Variants in RANBP2 observed in about 807,000 individuals in gnomAD.
RANBP2 encodes the protein E3 SUMO-protein ligase RanBP2.
A neutral mutation model predicts 303.6 loss-of-function variants in RANBP2; 57 were observed. The ratio of observed to expected loss-of-function variants is 0.19; its 90% CI spans 0.15 to 0.23. The LOEUF is 0.23. Ranked by LOEUF, RANBP2 falls within the 10% of genes least tolerant of loss-of-function variation. RANBP2 has a pLI of 1.00. For missense variants in RANBP2, 3,138 were observed against 3,780.8 expected (o/e 0.83, Z 4.46); for synonymous variants, 1,167 against 1,301.5 (o/e 0.90, Z 2.23).
At chr2:109,675,167 C>G in the RANBP2 span, among the ~76,000 whole-genome samples, 1 of 152,122 alleles carries the variant, frequency 6.6e-6, no homozygotes, top group Non-Finnish European at 1.5e-5. Flanking sequence ...GAGACAGGAT[C>G]TCACTATGTT....
chr2:109,418,042 C>T, the RANBP2 span, among the ~76,000 whole-genome samples: 17 of 152,182 alleles, frequency 1.1e-4, no homozygotes, highest in East Asian at 7.7e-4. Flanking sequence ...TAGTGCCTTT[C>T]GCTCACCTGA....
the RANBP2 span, among the ~76,000 whole-genome samples, chr2:109,380,713 C>G: frequency 6.6e-6 from 1 of 152,180 alleles, no homozygotes; most frequent in Non-Finnish European, 1.5e-5. Flanking sequence ...GCACATGGAG[C>G]CTTGTGCCAT....
At chr2:108,907,788 A>T in the RANBP2 span, 18 of 1,576,678 alleles carry the variant, frequency 1.1e-5, no homozygotes, top group Middle Eastern at 5.0e-4. Context: ...TGATTCAATA[A>T]GAAAGTTTTA....
At chr2:109,221,389 C>A in the RANBP2 span, among the ~76,000 whole-genome samples, 4 of 152,144 alleles carry the variant, frequency 2.6e-5, no homozygotes, top group Admixed American at 2.6e-4. Flanking sequence ...TTGAGACCAG[C>A]CTGGCCAATA....
At chr2:109,202,917 G>A in the RANBP2 span, among the ~76,000 whole-genome samples, 1 of 152,264 alleles carries the variant, frequency 6.6e-6, no homozygotes, top group African/African-American at 2.4e-5. Context: ...ATGTTTTAGA[G>A]TGTAGGTGTC....
the RANBP2 span, among the ~76,000 whole-genome samples, chr2:109,029,092 T>TAA: frequency 0.021 from 3,227 of 152,182 alleles, 81 homozygotes; most frequent in East Asian, 0.077. Flanking sequence ...GCCTATGTGA[T>TAA]TGTTTATTTC....
the RANBP2 span, chr2:109,419,621 A>G: frequency 2.5e-6 from 4 of 1,586,254 alleles, no homozygotes; most frequent in African/African-American, 4.0e-5. Context: ...ACGCCTCCCA[A>G]GGTCCAGCTG....
the RANBP2 span, among the ~76,000 whole-genome samples, chr2:109,035,034 C>T: frequency 5.1e-4 from 77 of 152,308 alleles, no homozygotes; most frequent in East Asian, 0.014. Flanking sequence ...TGCTGGAGAG[C>T]TATCCCTGGT....
chr2:109,267,999 T>C, the RANBP2 span, among the ~76,000 whole-genome samples: 1 of 151,754 alleles, frequency 6.6e-6, no homozygotes, highest in Non-Finnish European at 1.5e-5. Flanking sequence ...GAAACGGACA[T>C]CCCCACTAAG....
chr2:109,221,710 A>T, the RANBP2 span, among the ~76,000 whole-genome samples: 1 of 151,968 alleles, frequency 6.6e-6, no homozygotes. Flanking sequence ...CCAATTTTTA[A>T]TGGGATTAAG....
chr2:109,631,789 C>G, the RANBP2 span, among the ~76,000 whole-genome samples: 1 of 151,944 alleles, frequency 6.6e-6, no homozygotes, highest in Admixed American at 6.6e-5. Context: ...ATCTCATTAT[C>G]TCTGTTGTAT....
chr2:109,298,929 G>A, the RANBP2 span, among the ~76,000 whole-genome samples: 1 of 152,188 alleles, frequency 6.6e-6, no homozygotes, highest in African/African-American at 2.4e-5. Context: ...ATTCCCCAGT[G>A]CCTCCCATCA....
the RANBP2 span, among the ~76,000 whole-genome samples, chr2:108,916,671 G>T: frequency 6.6e-6 from 1 of 152,312 alleles, no homozygotes; most frequent in East Asian, 1.9e-4. Context: ...GAGTTGGTGA[G>T]AGAAATGCTT....
chr2:109,347,083 C>T, the RANBP2 span, among the ~76,000 whole-genome samples: 13 of 152,294 alleles, frequency 8.5e-5, no homozygotes, highest in South Asian at 2.3e-3. Context: ...GCCATGCACG[C>T]CTGCTGCTCA....
chr2:109,317,083 G>A, the RANBP2 span, among the ~76,000 whole-genome samples: 10 of 152,098 alleles, frequency 6.6e-5, no homozygotes, highest in East Asian at 1.9e-3. Context: ...CCGCATTCTG[G>A]CAGTTATGAA....
chr2:109,148,414 C>CT, the RANBP2 span, among the ~76,000 whole-genome samples: 5 of 152,238 alleles, frequency 3.3e-5, no homozygotes, highest in South Asian at 1.0e-3. Flanking sequence ...TAAAGGCGTT[C>CT]TTTTTTTCCC....
the RANBP2 span, among the ~76,000 whole-genome samples, chr2:109,628,495 A>G: frequency 1.5e-5 from 2 of 134,310 alleles, no homozygotes; most frequent in African/African-American, 2.9e-5. Flanking sequence ...CTCTGTCTCA[A>G]AAAATAATAA....
the RANBP2 span, among the ~76,000 whole-genome samples, chr2:109,034,114 C>CA: frequency 2.1e-5 from 3 of 144,356 alleles, no homozygotes; most frequent in East Asian, 6.3e-4. Flanking sequence ...ACTAAAAATA[C>CA]AAAAAATTAG....
the RANBP2 span, among the ~76,000 whole-genome samples, chr2:109,671,226 C>T: frequency 3.3e-5 from 5 of 151,864 alleles, no homozygotes; most frequent in Admixed American, 2.0e-4. Context: ...CAGCTTGCCT[C>T]GCTGTGAGTT....
Sources: allele counts gnomAD v4.1 joint callset (sites outside exome capture counted in the v4.1 genomes callset), GRCh38; gene constraint gnomAD v4.1.1; transcripts MANE v1.5; gene names NCBI Gene and HGNC (gene_info 2026-07-23, HGNC 2026-07-21).